Variants in PCDHA7 observed in about 807,000 individuals in gnomAD.
PCDHA7 encodes protocadherin alpha 7, also known as protocadherin alpha-7.
In PCDHA7, 37 loss-of-function variants were observed where a neutral mutation model predicts 57.2. The ratio of observed to expected loss-of-function variants is 0.65; its 90% CI spans 0.50 to 0.85. The LOEUF is 0.85. Ranked by LOEUF, PCDHA7 falls within the 40% of genes least tolerant of loss-of-function variation. The pLI is 0.00. For synonymous variants in PCDHA7, 553 were observed against 558.8 expected (o/e 0.99, Z 0.15); for missense variants, 1,188 against 1,241.8 (o/e 0.96, Z 0.65).
At chr5:140,857,744 G>T (rs1374937613) in intron 1 of PCDHA7, 1 of 1,597,416 alleles carries the variant, frequency 6.3e-7, no homozygotes, top group Non-Finnish European at 8.6e-7. Context: ...CGCGCTGCTG[G>T]CGTCTCCCGC....
At chr5:140,866,935 T>C (rs782742299) in intron 1 of PCDHA7, 3 of 152,114 alleles carry the variant, frequency 2.0e-5, no homozygotes, top group African/African-American at 4.8e-5. Context: ...GCGCATAATC[T>C]CTTCACTAGG....
At chr5:140,976,787 C>T (rs1460336492) in intron 1 of PCDHA7, among the ~76,000 whole-genome samples, 3 of 152,150 alleles carry the variant, frequency 2.0e-5, no homozygotes, top group Admixed American at 6.5e-5. Flanking sequence ...TATATAGCTA[C>T]GCTTTTATGA....
chr5:140,870,608 C>A (rs1408684171), intron 1 of PCDHA7: 1 of 1,613,106 alleles, frequency 6.2e-7, no homozygotes, highest in African/African-American at 1.3e-5. Flanking sequence ...GGCGACCGCG[C>A]GCTGTCGAGC....
chr5:140,943,574 G>C (rs1424164723), intron 1 of PCDHA7, among the ~76,000 whole-genome samples: 1 of 152,154 alleles, frequency 6.6e-6, no homozygotes, highest in African/African-American at 2.4e-5. Context: ...TTAATTTGTT[G>C]ATCTGAGTGG....
chr5:140,984,969 G>A (rs1045140349), intron 3 of PCDHA7, among the ~76,000 whole-genome samples: 8 of 151,670 alleles, frequency 5.3e-5, no homozygotes, highest in South Asian at 2.1e-4. Context: ...ACAGAGTCTC[G>A]CTCTGTCCCC....
intron 1 of PCDHA7, chr5:140,926,630 C>T (rs754707244): frequency 6.0e-5 from 25 of 417,902 alleles, no homozygotes; most frequent in Non-Finnish European, 3.3e-5. Context: ...CGGCGCTGCG[C>T]TCCTCAACAC....
rs554030052 is a variant in PCDHA7 at position 140,856,707 on chromosome 5, A to C, written c.2355+19969A>C. The C allele has an allele frequency of 4.6e-4, 729 of 1,596,628 alleles. 58 individuals carry two copies. The South Asian group carries it at 7.4e-3, about 16-fold the overall frequency. ...ACAGCAACTGATGGAGGCAAACCTGAATTTACCGGATCTGTTTCTCTGCTG... is the reference window on the plus strand; with the variant it reads ...ACAGCAACTGATGGAGGCAAACCTGCATTTACCGGATCTGTTTCTCTGCTG... On this transcript the variant is annotated intron_variant, in intron 1 of 3. Coordinates refer to ENST00000525929, the MANE Select transcript of PCDHA7 (RefSeq NM_018910.3).
At chr5:141,007,704 C>T (rs2098341593) in intron 3 of PCDHA7, among the ~76,000 whole-genome samples, 1 of 152,200 alleles carries the variant, frequency 6.6e-6, no homozygotes, top group African/African-American at 2.4e-5. Flanking sequence ...CCTCCTCTGC[C>T]TCCCACCACC....
chr5:140,945,124 C>T (rs269553), intron 1 of PCDHA7, among the ~76,000 whole-genome samples: 48,193 of 151,846 alleles, frequency 0.32, 7,977 homozygotes, highest in East Asian at 0.53. Flanking sequence ...AAAAAATCAA[C>T]TTACAAAAAT....
Position 140,967,255 on chromosome 5 carries a change from T to C in PCDHA7, c.2356-11694T>C, listed in dbSNP as rs202164321. ...TTCAGGTAAGCGAATCGGTGGCGCC[T>C]GGAGCGCGCTTTCACATAGAGAGTG... On this transcript the variant is annotated intron_variant, in intron 1 of 3. Coordinates refer to ENST00000525929, the MANE Select transcript of PCDHA7 (RefSeq NM_018910.3). The C allele has an allele frequency of 1.8e-4, 297 of 1,613,460 alleles. 1 individual carries two copies. The East Asian group carries it at 6.5e-3, about 35-fold the overall frequency.
chr5:140,944,310 C>T (rs1036800359), intron 1 of PCDHA7, among the ~76,000 whole-genome samples: 6 of 152,132 alleles, frequency 3.9e-5, no homozygotes, highest in Non-Finnish European at 7.4e-5. Flanking sequence ...ACCTCAGCCT[C>T]CTGAGTAGCT....
intron 1 of PCDHA7, chr5:140,967,045 C>T: frequency 6.2e-7 from 1 of 1,612,250 alleles, no homozygotes. Flanking sequence ...TGGAGCTGGA[C>T]CTGACGAGTG....
At chr5:140,999,494 C>G (rs2097859711) in intron 3 of PCDHA7, among the ~76,000 whole-genome samples, 1 of 152,064 alleles carries the variant, frequency 6.6e-6, no homozygotes, top group Non-Finnish European at 1.5e-5. Context: ...CTATGTTACC[C>G]AAGAACCTAC....
chr5:140,869,431 G>T lies in PCDHA7; in HGVS notation c.2355+32693G>T, dbSNP rs782430805. ...GTGCAGCATCCACCTGGAGGTGATC[G>T]TGGACAGGCCGCTGCAGGTTTTCCA... is the stretch of plus-strand genomic sequence containing the variant. On this transcript the variant is annotated intron_variant, in intron 1 of 3. Transcript: ENST00000525929. The T allele has an allele frequency of 3.7e-6, 6 of 1,614,204 alleles. No individual in the cohort carries two copies. In the South Asian group the frequency reaches 5.5e-5, roughly 15 times the overall value.
At chr5:140,843,524 G>T in intron 1 of PCDHA7, 1 of 1,595,982 alleles carries the variant, frequency 6.3e-7, no homozygotes, top group South Asian at 1.1e-5. Flanking sequence ...GTGCCGGGCG[G>T]GCAAGCCCAC....
chr5:140,954,570 T>G (rs2095058412), intron 1 of PCDHA7, among the ~76,000 whole-genome samples: 1 of 152,252 alleles, frequency 6.6e-6, no homozygotes. Context: ...GACTGTCTTC[T>G]TTTCAGAAGT....
At chr5:140,856,650 G>T in intron 1 of PCDHA7, 1 of 1,598,142 alleles carries the variant, frequency 6.3e-7, no homozygotes, top group Admixed American at 1.7e-5. Context: ...CTGCTGGATC[G>T]TGAAGAAAAT....
intron 1 of PCDHA7, among the ~76,000 whole-genome samples, chr5:140,879,868 A>G (rs544274525): frequency 2.0e-5 from 3 of 152,222 alleles, no homozygotes; most frequent in Middle Eastern, 3.4e-3. Context: ...CTCAGCTTTC[A>G]TGGTCACATT....
chr5:141,005,701 C>CAAAAAA (rs59860837), intron 3 of PCDHA7, among the ~76,000 whole-genome samples: 13 of 7,792 alleles, frequency 1.7e-3, no homozygotes, highest in East Asian at 3.2e-3. Context: ...AACTCCGTCT[C>CAAAAAA]AAAAAAAAAA....
Sources: allele counts gnomAD v4.1 joint callset (sites outside exome capture counted in the v4.1 genomes callset), GRCh38; gene constraint gnomAD v4.1.1; transcripts MANE v1.5; gene names NCBI Gene and HGNC (gene_info 2026-07-23, HGNC 2026-07-21).